Variants in ZMYM2 observed in about 807,000 individuals in gnomAD.
The protein encoded by ZMYM2 is zinc finger MYM-type containing 2.
ZMYM2 carries 56 observed loss-of-function variants against 162.8 expected under a neutral mutation model. The ratio of observed to expected loss-of-function variants is 0.34; its 90% CI spans 0.28 to 0.43. The LOEUF (loss-of-function observed/expected upper bound fraction) is 0.43. Among genes scored for constraint, ZMYM2 ranks in the 20% least tolerant of loss-of-function variants. The pLI is 1.00. For synonymous variants in ZMYM2, 510 were observed against 541.6 expected (o/e 0.94, Z 0.81); for missense variants, 1,275 against 1,621.8 (o/e 0.79, Z 3.67).
At chr13:19,906,101 C>T in the ZMYM2 span, among the ~76,000 whole-genome samples, 3 of 151,378 alleles carry the variant, frequency 2.0e-5, no homozygotes, top group South Asian at 2.1e-4. Flanking sequence ...CATGGTGAAA[C>T]CCTGTCTCTA....
At chr13:19,936,903 C>T in the ZMYM2 span, among the ~76,000 whole-genome samples, 1 of 151,440 alleles carries the variant, frequency 6.6e-6, no homozygotes, top group Non-Finnish European at 1.5e-5. Flanking sequence ...TAGACTAATT[C>T]TGGATTTTAG....
chr13:19,885,907 A>ACACATATATGTG, the ZMYM2 span, among the ~76,000 whole-genome samples: 2 of 30,270 alleles, frequency 6.6e-5, 1 homozygote, highest in Non-Finnish European at 1.7e-4. Context: ...ACACATATAT[A>ACACATATATGTG]TGTATATACA....
At chr13:19,882,489 G>C in the ZMYM2 span, among the ~76,000 whole-genome samples, 1 of 152,162 alleles carries the variant, frequency 6.6e-6, no homozygotes, top group African/African-American at 2.4e-5. Context: ...GCTCACACCT[G>C]TAATCCTAGC....
intron 10 of ZMYM2, among the ~76,000 whole-genome samples, chr13:20,032,235 C>A (rs907575683): frequency 3.9e-5 from 6 of 152,078 alleles, no homozygotes; most frequent in African/African-American, 1.4e-4. Context: ...TTTCTTTTCC[C>A]TTTTTTCATT....
chr13:19,876,137 C>T, the ZMYM2 span, among the ~76,000 whole-genome samples: 4 of 151,882 alleles, frequency 2.6e-5, no homozygotes, highest in Admixed American at 6.6e-5. Flanking sequence ...CGCCATTCTC[C>T]TGCCTCAGCC....
chr13:20,067,499 C>T (rs1956770793), intron 21 of ZMYM2, 109 bp downstream of exon 21: 2 of 1,158,832 alleles, frequency 1.7e-6, no homozygotes, highest in South Asian at 2.1e-5. Context: ...AGAAACACAT[C>T]TACAAAGTTG....
At chr13:19,904,065 C>A in the ZMYM2 span, among the ~76,000 whole-genome samples, 6 of 152,118 alleles carry the variant, frequency 3.9e-5, 1 homozygote, top group South Asian at 1.0e-3. Flanking sequence ...ATCCCTGAAC[C>A]CTTTGCCTTC....
At chr13:20,053,879 A>G (rs1955576060) in intron 14 of ZMYM2, among the ~76,000 whole-genome samples, 3 of 152,228 alleles carry the variant, frequency 2.0e-5, no homozygotes. Context: ...TAAAGTATTC[A>G]CTTGAATTAT....
chr13:19,972,713 G>C (rs550834868), intron 2 of ZMYM2, among the ~76,000 whole-genome samples: 18 of 152,036 alleles, frequency 1.2e-4, no homozygotes, highest in Admixed American at 3.3e-4. Flanking sequence ...TCCTGAGTCA[G>C]AGTATATGCA....
chr13:19,959,046 G>A (rs990980729), intron 1 of ZMYM2, among the ~76,000 whole-genome samples: 1 of 151,784 alleles, frequency 6.6e-6, no homozygotes, highest in African/African-American at 2.4e-5. Flanking sequence ...TCGGGGCCTC[G>A]GGGGCAGCTC....
chr13:20,040,425 G>A (rs1471923559), intron 12 of ZMYM2, among the ~76,000 whole-genome samples: 4 of 152,104 alleles, frequency 2.6e-5, no homozygotes, highest in African/African-American at 9.7e-5. Flanking sequence ...TGTGAGGGTA[G>A]TGGTAATAAT....
intron 14 of ZMYM2, among the ~76,000 whole-genome samples, chr13:20,055,946 C>T (rs988790369): frequency 6.6e-6 from 1 of 151,956 alleles, no homozygotes; most frequent in Non-Finnish European, 1.5e-5. Context: ...GAAGTTGAGG[C>T]GAGTTTTGCA....
At chr13:20,014,305 C>G (rs1019083644) in intron 6 of ZMYM2, among the ~76,000 whole-genome samples, 69 of 152,226 alleles carry the variant, frequency 4.5e-4, no homozygotes, top group African/African-American at 1.5e-3. Flanking sequence ...ATCTCCAGAC[C>G]TCATGATCCA....
chr13:20,036,266 C>G (rs867612584), intron 11 of ZMYM2, among the ~76,000 whole-genome samples: 2 of 51,376 alleles, frequency 3.9e-5, no homozygotes, highest in Non-Finnish European at 1.8e-4. Context: ...GTCAATAAAT[C>G]TGTTTTTTTT....
At chr13:19,882,619 C>T in the ZMYM2 span, among the ~76,000 whole-genome samples, 2 of 152,020 alleles carry the variant, frequency 1.3e-5, no homozygotes, top group South Asian at 4.1e-4. Flanking sequence ...TGGTGTCATG[C>T]GCCTGTCATC....
At chr13:20,077,688 T>G (rs1314341333) in intron 21 of ZMYM2, among the ~76,000 whole-genome samples, 3 of 152,248 alleles carry the variant, frequency 2.0e-5, no homozygotes, top group East Asian at 3.9e-4. Context: ...CTACTTAGCC[T>G]GGCTGGAATG....
chr13:19,989,211 TCTAA>T (rs918255005), intron 2 of ZMYM2, among the ~76,000 whole-genome samples: 1 of 152,242 alleles, frequency 6.6e-6, no homozygotes, highest in Non-Finnish European at 1.5e-5. Flanking sequence ...CTTTGTGTTC[TCTAA>T]CTTTTTAATT....
chr13:19,968,276 C>T (rs1447648199), intron 2 of ZMYM2, among the ~76,000 whole-genome samples: 1 of 152,096 alleles, frequency 6.6e-6, no homozygotes, highest in Non-Finnish European at 1.5e-5. Context: ...GAGTTTTGCT[C>T]TTCTTGCTCA....
At chr13:20,037,102 ATAACT>A (rs1953776523) in intron 12 of ZMYM2, among the ~76,000 whole-genome samples, 193 bp downstream of exon 12, 1 of 152,060 alleles carries the variant, frequency 6.6e-6, no homozygotes, top group African/African-American at 2.4e-5. Flanking sequence ...TCTTTTTTTA[ATAACT>A]TAAGCATTAC....
Sources: gnomAD v4.1 joint callset for allele counts (sites outside exome capture counted in the v4.1 genomes callset) on GRCh38, gnomAD v4.1.1 for gene constraint, MANE v1.5 for transcripts, NCBI Gene and HGNC (gene_info 2026-07-23, HGNC 2026-07-21) for gene names.